Variants in DCDC2 observed in about 807,000 individuals in gnomAD.
DCDC2 encodes doublecortin domain containing 2.
DCDC2 carries 40 observed loss-of-function variants against 50.2 expected under a neutral mutation model. The observed-to-expected ratio is 0.80, with a 90% CI of 0.62 to 1.04. The LOEUF is 1.04. Among genes scored for constraint, DCDC2 ranks in the 50% least tolerant of loss-of-function variants. The pLI, the probability that DCDC2 is intolerant of heterozygous loss-of-function variation, is 0.00. For synonymous variants in DCDC2, 234 were observed against 210.6 expected (o/e 1.11, Z -0.96); for missense variants, 570 against 581.9 (o/e 0.98, Z 0.21).
intron 2 of DCDC2, among the ~76,000 whole-genome samples, chr6:24,343,501 C>T (rs918316742): frequency 6.6e-6 from 1 of 152,328 alleles, no homozygotes; most frequent in African/African-American, 2.4e-5. Flanking sequence ...TTCATCAAGA[C>T]GAGTTCCTCT....
intron 7 of DCDC2, among the ~76,000 whole-genome samples, chr6:24,267,913 C>T (rs1390291202): frequency 6.6e-6 from 1 of 152,168 alleles, no homozygotes; most frequent in African/African-American, 2.4e-5. Context: ...ACTTAATTTT[C>T]ATCAGAAATT....
At chr6:24,223,461 A>T (rs1366573999) in intron 7 of DCDC2, among the ~76,000 whole-genome samples, 1 of 152,166 alleles carries the variant, frequency 6.6e-6, no homozygotes. Context: ...ACTCTCTCTC[A>T]CTTTCCCAGT....
chr6:24,205,315 G>C, intron 7 of DCDC2: 1 of 1,532,084 alleles, frequency 6.5e-7, no homozygotes, highest in Non-Finnish European at 8.8e-7. Context: ...AAACAAGGCT[G>C]ACCCAGCAGG....
intron 7 of DCDC2, among the ~76,000 whole-genome samples, chr6:24,213,365 T>C (rs1433199275): frequency 6.6e-6 from 1 of 152,156 alleles, no homozygotes; most frequent in South Asian, 2.1e-4. Context: ...AGTGTTAATT[T>C]TTAAAAGTAG....
intron 7 of DCDC2, among the ~76,000 whole-genome samples, chr6:24,208,604 A>G (rs550439502): frequency 6.6e-6 from 1 of 152,192 alleles, no homozygotes; most frequent in African/African-American, 2.4e-5. Context: ...CTCCAACCTC[A>G]GGTGATCCAC....
chr6:24,197,241 G>A (rs572008881), intron 8 of DCDC2, among the ~76,000 whole-genome samples: 2 of 152,292 alleles, frequency 1.3e-5, no homozygotes, highest in East Asian at 3.9e-4. Flanking sequence ...GGCTGTTCGA[G>A]CATTATCAGA....
chr6:24,252,371 AT>A (rs1696737182), intron 7 of DCDC2, among the ~76,000 whole-genome samples: 1 of 152,208 alleles, frequency 6.6e-6, no homozygotes, highest in Non-Finnish European at 1.5e-5. Flanking sequence ...ACATGTGCTA[AT>A]GAATGCCTGC....
At chr6:24,370,386 G>A in the DCDC2 span, among the ~76,000 whole-genome samples, 816 of 152,252 alleles carry the variant, frequency 5.4e-3, 12 homozygotes, top group African/African-American at 0.017. Flanking sequence ...CCATTCCTAA[G>A]CATATACCCA....
At chr6:24,232,998 A>G (rs190110588) in intron 7 of DCDC2, among the ~76,000 whole-genome samples, 1 of 152,236 alleles carries the variant, frequency 6.6e-6, no homozygotes, top group African/African-American at 2.4e-5. Flanking sequence ...CATTTAGGGC[A>G]GCACTCAATG....
At chr6:24,328,850 C>G (rs959524297) in intron 2 of DCDC2, among the ~76,000 whole-genome samples, 3 of 152,172 alleles carry the variant, frequency 2.0e-5, no homozygotes, top group Non-Finnish European at 4.4e-5. Flanking sequence ...GGACAACAAG[C>G]TCTTCCTTGG....
At chr6:24,292,751 G>C (rs143619184) in intron 4 of DCDC2, among the ~76,000 whole-genome samples, 1 of 152,142 alleles carries the variant, frequency 6.6e-6, no homozygotes, top group Non-Finnish European at 1.5e-5. Context: ...TGACATTTTG[G>C]ACCAGATAAT....
At chr6:24,215,023 C>T (rs6936111) in intron 7 of DCDC2, among the ~76,000 whole-genome samples, 1 of 152,030 alleles carries the variant, frequency 6.6e-6, no homozygotes, top group African/African-American at 2.4e-5. Flanking sequence ...TATTATCTAC[C>T]GGGGGGTCAC....
chr6:24,294,453 C>T (rs896287608), intron 4 of DCDC2, among the ~76,000 whole-genome samples: 3 of 151,830 alleles, frequency 2.0e-5, no homozygotes, highest in African/African-American at 7.3e-5. Context: ...TAGCAGAAGA[C>T]AAGAAATAAC....
At chr6:24,237,020 AG>A (rs1278384421) in intron 7 of DCDC2, among the ~76,000 whole-genome samples, 4 of 146,286 alleles carry the variant, frequency 2.7e-5, no homozygotes, top group Admixed American at 6.9e-5. Context: ...AAAAAAAAAA[AG>A]AAGAAGTGGA....
intron 7 of DCDC2, among the ~76,000 whole-genome samples, chr6:24,237,226 G>A (rs568031520): frequency 1.3e-5 from 2 of 151,938 alleles, no homozygotes; most frequent in Admixed American, 1.3e-4. Context: ...GCAGAGGGTG[G>A]AAGGAGGGAC....
intron 7 of DCDC2, among the ~76,000 whole-genome samples, chr6:24,208,328 A>G (rs1043801830): frequency 1.3e-5 from 2 of 150,594 alleles, no homozygotes; most frequent in African/African-American, 2.4e-5. Context: ...TAACCCCACA[A>G]CAAAACAGAA....
chr6:24,277,504 A>G (rs542050441), intron 7 of DCDC2, among the ~76,000 whole-genome samples: 1 of 152,366 alleles, frequency 6.6e-6, no homozygotes, highest in Admixed American at 6.5e-5. Flanking sequence ...ATCTTGGACT[A>G]ATGCAATTTT....
chr6:24,304,929 C>T (rs1759443742), intron 2 of DCDC2, among the ~76,000 whole-genome samples: 1 of 152,178 alleles, frequency 6.6e-6, no homozygotes. Context: ...AGTGCCTTAG[C>T]TAGCAATGCA....
chr6:24,295,419 G>T (rs947550795), intron 4 of DCDC2, among the ~76,000 whole-genome samples: 1 of 152,128 alleles, frequency 6.6e-6, no homozygotes, highest in Non-Finnish European at 1.5e-5. Flanking sequence ...AGAAAGAGAT[G>T]CCTTCTCTCG....
Sources: allele counts gnomAD v4.1 joint callset (sites outside exome capture counted in the v4.1 genomes callset), GRCh38; gene constraint gnomAD v4.1.1; transcripts MANE v1.5; gene names NCBI Gene and HGNC (gene_info 2026-07-23, HGNC 2026-07-21).